The following EEFSEC variants were observed in gnomAD, a reference collection of about 807,000 sequenced individuals.
EEFSEC encodes the protein eukaryotic elongation factor, selenocysteine-tRNA specific.
A neutral mutation model predicts 42.1 loss-of-function variants in EEFSEC; 43 were observed. That is an observed-to-expected ratio of 1.02 (90% CI 0.80 to 1.32). The LOEUF is 1.32. EEFSEC is among the 40% of genes most tolerant of loss of function. The pLI is 0.00. For synonymous variants in EEFSEC, 354 were observed against 339.1 expected (o/e 1.04, Z -0.48); for missense variants, 745 against 803.6 (o/e 0.93, Z 0.88).
At chr3:128,323,790 T>C (rs1295324795) in intron 4 of EEFSEC, among the ~76,000 whole-genome samples, 2 of 152,204 alleles carry the variant, frequency 1.3e-5, no homozygotes, top group Non-Finnish European at 2.9e-5. Context: ...GGAAAATCAC[T>C]TGGGCGGCTG....
At chr3:128,164,566 AAGG>A (rs2065225933) in intron 1 of EEFSEC, among the ~76,000 whole-genome samples, 1 of 152,154 alleles carries the variant, frequency 6.6e-6, no homozygotes, top group Non-Finnish European at 1.5e-5. Context: ...GGGGGTGTGA[AAGG>A]AGGTGCGGCC....
intron 1 of EEFSEC, among the ~76,000 whole-genome samples, chr3:128,175,246 G>A (rs1018639769): frequency 6.6e-6 from 1 of 152,036 alleles, no homozygotes; most frequent in South Asian, 2.1e-4. Flanking sequence ...TCATGCTCTG[G>A]AGATACTCTA....
intron 1 of EEFSEC, among the ~76,000 whole-genome samples, chr3:128,214,259 A>G (rs1294961438): frequency 6.6e-6 from 1 of 152,208 alleles, no homozygotes; most frequent in Non-Finnish European, 1.5e-5. Flanking sequence ...GAATGCACAC[A>G]AATGTAGCAT....
chr3:128,223,740 G>C (rs1349476497), intron 1 of EEFSEC, among the ~76,000 whole-genome samples: 2 of 152,212 alleles, frequency 1.3e-5, no homozygotes, highest in Non-Finnish European at 2.9e-5. Flanking sequence ...AGCACCTGGT[G>C]CATAAAAAGC....
At chr3:128,190,511 TAA>T (rs777693520) in intron 1 of EEFSEC, among the ~76,000 whole-genome samples, 18 of 152,392 alleles carry the variant, frequency 1.2e-4, no homozygotes, top group Admixed American at 5.2e-4. Context: ...TGTTTTAAGC[TAA>T]GTGTTATTAC....
At chr3:128,176,343 T>TGATCGGCTGTAAAATTGTGAGTGCA (rs2065347744) in intron 1 of EEFSEC, among the ~76,000 whole-genome samples, 1 of 152,082 alleles carries the variant, frequency 6.6e-6, no homozygotes, top group African/African-American at 2.4e-5. Context: ...TTAACTGCGT[T>TGATCGGCTGTAAAATTGTGAGTGCA]GATCGGCTGT....
At chr3:128,274,887 G>A (rs1218190025) in intron 4 of EEFSEC, among the ~76,000 whole-genome samples, 1 of 152,168 alleles carries the variant, frequency 6.6e-6, no homozygotes, top group African/African-American at 2.4e-5. Context: ...TCTTCCCAAG[G>A]GCCATTTGCT....
intron 1 of EEFSEC, among the ~76,000 whole-genome samples, chr3:128,215,384 T>G (rs531523223): frequency 2.6e-5 from 4 of 152,210 alleles, no homozygotes; most frequent in African/African-American, 9.6e-5. Flanking sequence ...TATGTGACTT[T>G]GGATAAAATG....
the EEFSEC span, among the ~76,000 whole-genome samples, chr3:128,425,524 G>A: frequency 1.3e-5 from 2 of 152,242 alleles, no homozygotes; most frequent in Non-Finnish European, 2.9e-5. Context: ...ACCTCACCGT[G>A]GAAGGTCTGT....
At chr3:128,369,104 G>A (rs1213028817) in intron 6 of EEFSEC, among the ~76,000 whole-genome samples, 1 of 152,200 alleles carries the variant, frequency 6.6e-6, no homozygotes, top group Non-Finnish European at 1.5e-5. Context: ...TCTCCCAAAG[G>A]CACTGTGAGG....
intron 1 of EEFSEC, among the ~76,000 whole-genome samples, chr3:128,202,012 G>A (rs2065648623): frequency 6.6e-6 from 1 of 152,086 alleles, no homozygotes; most frequent in African/African-American, 2.4e-5. Context: ...TTTAAGTGTA[G>A]GTCTATTTCT....
chr3:128,325,875 T>G (rs1316204650), intron 4 of EEFSEC, among the ~76,000 whole-genome samples: 1 of 152,264 alleles, frequency 6.6e-6, no homozygotes, highest in Non-Finnish European at 1.5e-5. Flanking sequence ...ATTCCTCTAT[T>G]GTTAGGCAGC....
At chr3:128,234,355 T>C (rs1302825889) in intron 1 of EEFSEC, among the ~76,000 whole-genome samples, 1 of 152,082 alleles carries the variant, frequency 6.6e-6, no homozygotes, top group East Asian at 1.9e-4. Flanking sequence ...TCCCAGCCCA[T>C]TTTTTTCATT....
intron 4 of EEFSEC, among the ~76,000 whole-genome samples, chr3:128,280,847 C>CT (rs2066518274): frequency 6.6e-6 from 1 of 152,348 alleles, no homozygotes; most frequent in African/African-American, 2.4e-5. Flanking sequence ...GTTTTCAGCC[C>CT]TTTTTCTCCT....
intron 4 of EEFSEC, among the ~76,000 whole-genome samples, chr3:128,314,213 A>G (rs1200632724): frequency 2.6e-5 from 4 of 152,250 alleles, no homozygotes; most frequent in South Asian, 4.1e-4. Flanking sequence ...CAGTGGCTCA[A>G]TGTCCTTGAG....
At chr3:128,343,459 G>C (rs1019608516) in intron 5 of EEFSEC, among the ~76,000 whole-genome samples, 3 of 152,266 alleles carry the variant, frequency 2.0e-5, no homozygotes, top group South Asian at 2.1e-4. Context: ...TTAGCTCCGG[G>C]GGGGCCGCTG....
chr3:128,403,517 G>A (rs116651435), intron 6 of EEFSEC, among the ~76,000 whole-genome samples: 2,211 of 152,218 alleles, frequency 0.015, 49 homozygotes, highest in African/African-American at 0.05. Flanking sequence ...ATGGGCAGTC[G>A]GCACTCAGCA....
chr3:128,396,734 A>G (rs1323076803), intron 6 of EEFSEC, among the ~76,000 whole-genome samples: 1 of 152,200 alleles, frequency 6.6e-6, no homozygotes, highest in Non-Finnish European at 1.5e-5. Flanking sequence ...TGTGAATAGC[A>G]TGATTGTGAA....
In EEFSEC at chr3:128,175,953, C is replaced by G. The variant is rs139894081; in HGVS notation, c.316+22130C>G. 2.6e-5 allele frequency among the ~76,000 whole-genome samples: 4 copies of G among 152,328 alleles called. No homozygotes were observed. In the East Asian group the frequency reaches 5.8e-4, roughly 22 times the overall value. ...TGATGGACCAGCTTGTGAGAATGCA[C>G]AGCTCTGAGCCTCAGTTTTCTCATC... On this transcript the variant is annotated intron_variant, in intron 1 of 6. Transcript: ENST00000254730.
Sources: gnomAD v4.1 joint callset for allele counts (sites outside exome capture counted in the v4.1 genomes callset) on GRCh38, gnomAD v4.1.1 for gene constraint, MANE v1.5 for transcripts, NCBI Gene and HGNC (gene_info 2026-07-23, HGNC 2026-07-21) for gene names.